The following PEBP4 variants were observed in gnomAD, a reference collection of about 807,000 sequenced individuals.
PEBP4 encodes phosphatidylethanolamine-binding protein 4.
A neutral mutation model predicts 23.9 loss-of-function variants in PEBP4; 22 were observed. The observed-to-expected ratio is 0.92, with a 90% CI of 0.66 to 1.31. PEBP4 has a LOEUF of 1.31. Among genes scored for constraint, PEBP4 ranks in the 40% most tolerant of loss-of-function variants. The pLI is 0.00. For missense variants in PEBP4, 324 were observed against 281.7 expected (o/e 1.15, Z -1.07); for synonymous variants, 112 against 99.3 (o/e 1.13, Z -0.76).
intron 3 of PEBP4, among the ~76,000 whole-genome samples, chr8:22,836,606 G>T (rs1349449756): frequency 2.0e-5 from 3 of 152,230 alleles, no homozygotes; most frequent in African/African-American, 7.2e-5. Context: ...GCTCTCGCCT[G>T]GCTCACATGG....
chr8:22,786,004 G>C (rs550064786), intron 4 of PEBP4, among the ~76,000 whole-genome samples: 13 of 152,330 alleles, frequency 8.5e-5, no homozygotes, highest in African/African-American at 2.9e-4. Context: ...TTATTTCGCA[G>C]TGTTATAGTG....
intron 1 of PEBP4, among the ~76,000 whole-genome samples, chr8:22,938,939 C>T (rs1464881946): frequency 6.6e-6 from 1 of 152,192 alleles, no homozygotes. Flanking sequence ...ACTATTCTGA[C>T]CTTTGGTTGT....
intron 4 of PEBP4, among the ~76,000 whole-genome samples, chr8:22,795,159 A>ATTT: frequency 3.5e-5 from 1 of 28,530 alleles, no homozygotes; most frequent in Non-Finnish European, 6.4e-5. Context: ...ATATATATAT[A>ATTT]TATATTTTTT....
Position 22,764,963 on chromosome 8 carries a change from C to T in PEBP4, c.358-37743G>A, listed in dbSNP as rs1195951907. Among the ~76,000 whole-genome samples the T allele has an allele frequency of 2.6e-5, 4 of 152,044 alleles. No homozygotes were observed. In the East Asian group the frequency reaches 5.8e-4, roughly 22 times the overall value. On this transcript the variant is annotated intron_variant, in intron 4 of 6. Coordinates refer to ENST00000256404, the MANE Select transcript of PEBP4 (RefSeq NM_144962.3). Reference sequence around the variant, plus strand: ...CAGAGAGAGGAGGGGATGGACTTCCCCTGTCCCAGGCAGGGCCCCACATTT... The same window carrying T: ...CAGAGAGAGGAGGGGATGGACTTCCTCTGTCCCAGGCAGGGCCCCACATTT...
At chr8:22,849,697 T>C (rs959235346) in intron 3 of PEBP4, among the ~76,000 whole-genome samples, 1 of 152,250 alleles carries the variant, frequency 6.6e-6, no homozygotes, top group African/African-American at 2.4e-5. Flanking sequence ...CTGTCTTGAA[T>C]ATGCTACTTG....
intron 3 of PEBP4, among the ~76,000 whole-genome samples, chr8:22,840,675 A>G (rs902050908): frequency 6.6e-6 from 1 of 152,172 alleles, no homozygotes; most frequent in Non-Finnish European, 1.5e-5. Context: ...GAATGTGGGG[A>G]AAATGTGAAT....
At chr8:22,813,418 CATG>C (rs1806674586) in intron 4 of PEBP4, among the ~76,000 whole-genome samples, 1 of 152,172 alleles carries the variant, frequency 6.6e-6, no homozygotes. Flanking sequence ...TGTCACCAAT[CATG>C]ATATTCTTTG....
At chr8:22,913,563 C>A (rs917419671) in intron 3 of PEBP4, among the ~76,000 whole-genome samples, 1 of 152,118 alleles carries the variant, frequency 6.6e-6, no homozygotes, top group Non-Finnish European at 1.5e-5. Context: ...ACACCTGCAC[C>A]CCTCCTGCCC....
At chr8:22,811,175 T>C (rs1156393568) in intron 4 of PEBP4, among the ~76,000 whole-genome samples, 1 of 152,174 alleles carries the variant, frequency 6.6e-6, no homozygotes, top group East Asian at 1.9e-4. Flanking sequence ...GCATTATCCC[T>C]TGAATATTTT....
At chr8:22,791,695 G>A (rs1203519744) in intron 4 of PEBP4, among the ~76,000 whole-genome samples, 1 of 152,188 alleles carries the variant, frequency 6.6e-6, no homozygotes, top group African/African-American at 2.4e-5. Flanking sequence ...GTAACTCAGT[G>A]CAGACTCCTA....
intron 3 of PEBP4, among the ~76,000 whole-genome samples, chr8:22,877,735 G>A (rs1214823722): frequency 6.6e-6 from 1 of 152,002 alleles, no homozygotes; most frequent in Non-Finnish European, 1.5e-5. Context: ...GGCTTTCCTC[G>A]AATTGACAAC....
intron 3 of PEBP4, among the ~76,000 whole-genome samples, chr8:22,902,602 C>G (rs1482505901): frequency 1.3e-5 from 2 of 152,218 alleles, no homozygotes; most frequent in African/African-American, 4.8e-5. Context: ...CACCTGGACT[C>G]TAGCCTCAGC....
chr8:22,875,952 C>G (rs1401548519), intron 3 of PEBP4, among the ~76,000 whole-genome samples: 1 of 152,058 alleles, frequency 6.6e-6, no homozygotes, highest in Non-Finnish European at 1.5e-5. Flanking sequence ...CTCTGTCGCC[C>G]AGGCTGAAGT....
At chr8:22,842,451 G>A (rs1329413533) in intron 3 of PEBP4, among the ~76,000 whole-genome samples, 1 of 152,160 alleles carries the variant, frequency 6.6e-6, no homozygotes, top group Non-Finnish European at 1.5e-5. Flanking sequence ...AAGGAGGTAG[G>A]AAATATTAAG....
intron 4 of PEBP4, chr8:22,814,991 T>G (rs1402102927): frequency 6.6e-6 from 1 of 152,060 alleles, no homozygotes. Flanking sequence ...TGATGTGAAC[T>G]CAGGCCACAT....
intron 4 of PEBP4, among the ~76,000 whole-genome samples, chr8:22,796,954 TAA>T (rs200145645): frequency 0.25 from 36,006 of 142,582 alleles, 4,551 homozygotes; most frequent in South Asian, 0.35. Context: ...AAATAAAAAT[TAA>T]AAAAAAAAAA....
At chr8:22,877,552 T>C (rs1317760610) in intron 3 of PEBP4, among the ~76,000 whole-genome samples, 2 of 151,314 alleles carry the variant, frequency 1.3e-5, no homozygotes, top group African/African-American at 4.9e-5. Flanking sequence ...GGAGAGGAGG[T>C]GAGGCCAGCA....
intron 3 of PEBP4, among the ~76,000 whole-genome samples, chr8:22,889,619 C>T (rs1162292541): frequency 6.6e-6 from 1 of 152,084 alleles, no homozygotes; most frequent in Admixed American, 6.6e-5. Context: ...GGGCAAATTG[C>T]TTTTTAACAA....
At chr8:22,879,067 T>C (rs1176361409) in intron 3 of PEBP4, among the ~76,000 whole-genome samples, 1 of 152,240 alleles carries the variant, frequency 6.6e-6, no homozygotes, top group Non-Finnish European at 1.5e-5. Context: ...CATTTTACTA[T>C]GCTCTATCCT....
Sources: gnomAD v4.1 joint callset for allele counts (sites outside exome capture counted in the v4.1 genomes callset) on GRCh38, gnomAD v4.1.1 for gene constraint, MANE v1.5 for transcripts, NCBI Gene and HGNC (gene_info 2026-07-23, HGNC 2026-07-21) for gene names.